CELSR1: variants seen among roughly 807,000 people sequenced by gnomAD.
CELSR1 encodes the protein cadherin EGF LAG seven-pass G-type receptor 1.
A neutral mutation model predicts 249.1 loss-of-function variants in CELSR1; 110 were observed. That is an observed-to-expected ratio of 0.44 (90% CI 0.38 to 0.52). The LOEUF is 0.52. Ranked by LOEUF, CELSR1 falls within the 20% of genes least tolerant of loss-of-function variation. The pLI, the probability that CELSR1 is intolerant of heterozygous loss-of-function variation, is 0.00. For missense variants in CELSR1, 4,109 were observed against 4,296.4 expected, an observed-to-expected ratio of 0.96 and a Z score of 1.22; for synonymous variants, 2,113 against 1,900.0, an observed-to-expected ratio of 1.11 and a Z score of -2.92.
chr22:46,444,926 C>T (rs1482144841), intron 2 of CELSR1, among the ~76,000 whole-genome samples: 1 of 152,210 alleles, frequency 6.6e-6, no homozygotes, highest in Non-Finnish European at 1.5e-5. Context: ...AGACACCAGG[C>T]CGGGAGCGGT....
chr22:46,392,714 G>T (rs1417479792), intron 14 of CELSR1, among the ~76,000 whole-genome samples: 2 of 151,960 alleles, frequency 1.3e-5, no homozygotes, highest in African/African-American at 4.8e-5. Context: ...GCATCAGCAC[G>T]CTCAGCTAAT....
In CELSR1 at chr22:46,454,965, T is replaced by C. The variant is rs2079930114; in HGVS notation, c.4183+8742A>G. 6.6e-6 allele frequency among the ~76,000 whole-genome samples: 1 copy of C among 152,212 alleles called. No homozygotes were observed. The highest frequency in any genetic ancestry group is 1.5e-5 in the Non-Finnish European group (1 of 68,040). ...TAGAGGTAATCGACTTAGGATGAGA[T>C]CATTAGGGTGGGTCCTAATCCAGTG... On this transcript the variant is annotated intron_variant, in intron 2 of 34. Transcript: ENST00000674500. This position sits in a 1 kb window ranked among gnomAD's most constrained non-coding sequence, Gnocchi z 5.1.
chr22:46,498,867 T>C, intron 1 of CELSR1, among the ~76,000 whole-genome samples: 1 of 151,408 alleles, frequency 6.6e-6, no homozygotes, highest in Admixed American at 6.6e-5. Context: ...TGATGGGAAA[T>C]AAGCCTATAA....
At chr22:46,502,234 GC>G (rs1195295159) in intron 1 of CELSR1, among the ~76,000 whole-genome samples, 1 of 145,822 alleles carries the variant, frequency 6.9e-6, no homozygotes, top group Admixed American at 7.1e-5. Flanking sequence ...CTGCACTCCA[GC>G]CTGGGTGACA....
Position 46,436,086 on chromosome 22 carries a change from G to A in CELSR1, c.4522+88C>T, listed in dbSNP as rs985999957. ...TGAGGGATGAAAGGGTAAGCAGCTT[G>A]GAGGCGCTGCACAGGGCGAGGGTCG... On this transcript the variant is annotated intron_variant, in intron 4 of 34. Transcript: ENST00000674500. This position sits in a 1 kb window ranked among gnomAD's most constrained non-coding sequence, Gnocchi z 5.9. 8.4e-6 allele frequency: 8 copies of A among 949,002 alleles called. No homozygotes were observed. In the African/African-American group the frequency reaches 1.3e-4, roughly 15 times the overall value. 58.8% of individuals were successfully genotyped at this position (949,002 alleles called of 1,614,324 possible). A position where few individuals can be genotyped will look rare whatever the true frequency, so the allele number is the denominator to read the frequency against.
At chr22:46,503,014 A>G (rs2080481526) in intron 1 of CELSR1, among the ~76,000 whole-genome samples, 1 of 152,134 alleles carries the variant, frequency 6.6e-6, no homozygotes, top group African/African-American at 2.4e-5. Flanking sequence ...TGCCCACTCC[A>G]TGGGCAACTC....
rs964325673 is a variant in CELSR1, at chr22:46,454,973, G to T, written c.4183+8734C>A. 2.0e-5 allele frequency among the ~76,000 whole-genome samples: 3 copies of T among 152,206 alleles called. No individual in the cohort carries two copies. Among genetic ancestry groups the T allele is most frequent in the African/African-American group, 7.2e-5 (3 of 41,448 alleles). Reference sequence around the variant, plus strand: ...ATCGACTTAGGATGAGATCATTAGGGTGGGTCCTAATCCAGTGACCGGTGT... The same window carrying T: ...ATCGACTTAGGATGAGATCATTAGGTTGGGTCCTAATCCAGTGACCGGTGT... On this transcript the variant is annotated intron_variant, in intron 2 of 34. Transcript: ENST00000674500. This position sits in a 1 kb window ranked among gnomAD's most constrained non-coding sequence, Gnocchi z 5.1.
rs866404765 is a variant in CELSR1, at chr22:46,491,640, T to C, written c.3545-27295A>G. The stretch of plus-strand genomic sequence containing the variant: ...ATAGTCTCTATTCTCTCTCTCTCTT[T>C]TTTTTTTTTTTTTAGACAGGGTGTT... On this transcript the variant is annotated intron_variant, in intron 1 of 34. Coordinates refer to ENST00000674500, the MANE Select transcript of CELSR1 (RefSeq NM_001378328.1). Among the ~76,000 whole-genome samples the C allele has an allele frequency of 3.6e-3, 539 of 148,778 alleles. 5 individuals carry two copies. The highest frequency in any genetic ancestry group is 0.013 in the African/African-American group (517 of 40,438).
At position 46,398,054 on chromosome 22, in the gene CELSR1, G is replaced by T. The variant is rs2079170162; in HGVS notation, c.5527-206C>A. Among the ~76,000 whole-genome samples the T allele has an allele frequency of 1.3e-5, 2 of 152,164 alleles. No individual in the cohort carries two copies. The highest frequency in any genetic ancestry group is 4.8e-5 in the African/African-American group (2 of 41,442). On this transcript the variant is annotated intron_variant, in intron 11 of 34. Coordinates refer to ENST00000674500, the MANE Select transcript of CELSR1 (RefSeq NM_001378328.1). The surrounding 1 kb of genome is among the most constrained non-coding windows in gnomAD (Gnocchi z 7.2). ...GGAGGGCTGGGTGAGGAGCTCAGAG[G>T]GCACGCCAGCCTGAGCTCCTGGGGT...
rs548392494 is a variant in CELSR1, at chr22:46,471,038, T to C, written c.3545-6693A>G. On this transcript the variant is annotated intron_variant, in intron 1 of 34. Transcript: ENST00000674500. The surrounding 1 kb of genome is among the most constrained non-coding windows in gnomAD (Gnocchi z 4.9). ...TACTTGGGAGACTGAGGCAGGAGAATCGCTTGAACCTGGGAGTCGGAGGTT... is the reference window on the plus strand; with the variant it reads ...TACTTGGGAGACTGAGGCAGGAGAACCGCTTGAACCTGGGAGTCGGAGGTT... Among the ~76,000 whole-genome samples, 2 of 152,028 alleles carry C rather than the reference T, an allele frequency of 1.3e-5. No individual in the cohort carries two copies. The highest frequency in any genetic ancestry group is 2.1e-4 in the South Asian group (1 of 4,802).
At position 46,390,343 on chromosome 22, in the gene CELSR1, C is replaced by T. The variant is rs376775191; in HGVS notation, c.6345+49G>A. On this transcript the variant is annotated intron_variant, in intron 17 of 34. Transcript: ENST00000674500. This position sits in a 1 kb window ranked among gnomAD's most constrained non-coding sequence, Gnocchi z 6.3. ...CCACACAAACTCTCTCACGCATACA[C>T]GAACACACACGTGCCCCTGCTGAAC... 28 of 1,451,174 alleles carry T rather than the reference C, an allele frequency of 1.9e-5. No individual in the cohort carries two copies. Among genetic ancestry groups the T allele is most frequent in the South Asian group, 9.7e-5 (8 of 82,714 alleles). The allele number at this position is 1,451,174 out of a possible 1,614,324, so 89.9% of individuals were successfully genotyped here. A position where few individuals can be genotyped will look rare whatever the true frequency, so the allele number is the denominator to read the frequency against.
rs1167768688 is a variant in CELSR1 at position 46,390,193 on chromosome 22, G to T, written c.6345+199C>A. ...CTGGGGGAGAGAAGTCCACGTGGGG[G>T]TGCCTGGCTCAGGTGCCAACACCCC... On this transcript the variant is annotated intron_variant, in intron 17 of 34. Transcript: ENST00000674500. The surrounding 1 kb of genome is among the most constrained non-coding windows in gnomAD (Gnocchi z 6.3). Among the ~76,000 whole-genome samples, 1 of 152,200 alleles carries T rather than the reference G, an allele frequency of 6.6e-6. No homozygotes were observed. The highest frequency in any genetic ancestry group is 1.9e-4 in the East Asian group (1 of 5,202).
rs143055982 is a variant in CELSR1, at chr22:46,455,854, G to A, written c.4183+7853C>T. 9.9e-4 allele frequency among the ~76,000 whole-genome samples: 151 copies of A among 152,264 alleles called. 2 individuals carry two copies. The East Asian group carries it at 0.018, about 18-fold the overall frequency. On this transcript the variant is annotated intron_variant, in intron 2 of 34. Transcript: ENST00000674500. Reference sequence around the variant, plus strand: ...ACATTGACCCACACCCTGATCCCCCGGCAAGATTTTTATAGAAAACAGTTA... The same window carrying A: ...ACATTGACCCACACCCTGATCCCCCAGCAAGATTTTTATAGAAAACAGTTA...
rs2079823516 is a variant in CELSR1 at position 46,446,582 on chromosome 22, G to A, written c.4184-7171C>T. On this transcript the variant is annotated intron_variant, in intron 2 of 34. Transcript: ENST00000674500. This position sits in a 1 kb window ranked among gnomAD's most constrained non-coding sequence, Gnocchi z 5.5. ...CTGGTGTGTGCAGGGCATATGCTGA[G>A]CACCTGGCAGGGAGGGTCGCAGGGG... is the stretch of plus-strand genomic sequence containing the variant. Among the ~76,000 whole-genome samples, 1 of 152,074 alleles carries A rather than the reference G, an allele frequency of 6.6e-6. No individual in the cohort carries two copies. Among genetic ancestry groups the A allele is most frequent in the Admixed American group, 6.6e-5 (1 of 15,266 alleles).
chr22:46,391,884 TC>T lies in CELSR1; in HGVS notation c.5965-69del. 1.3e-6 allele frequency: 2 copies of T among 1,511,156 alleles called. No individual in the cohort carries two copies. The highest frequency in any genetic ancestry group is 4.8e-5 in the Admixed American group (2 of 41,844). 93.6% of individuals were successfully genotyped at this position (1,511,156 alleles called of 1,614,324 possible). A position where few individuals can be genotyped will look rare whatever the true frequency, so the allele number is the denominator to read the frequency against. On this transcript the variant is annotated intron_variant, in intron 14 of 34. Transcript: ENST00000674500. The surrounding 1 kb of genome is among the most constrained non-coding windows in gnomAD (Gnocchi z 4.3). The stretch of plus-strand genomic sequence containing the variant: ...GAGAGGCCCTACCTTGCAGCGTGTT[TC>T]CCGAGCGACGTCCAGACTCCCACCC...
At position 46,464,332 on chromosome 22, in the gene CELSR1, G is replaced by A. The variant is rs770443152; in HGVS notation, c.3558C>T (p.Ser1186=). 46 of 1,609,546 alleles carry A rather than the reference G, an allele frequency of 2.9e-5. No homozygotes were observed. Among genetic ancestry groups the A allele is most frequent in the African/African-American group, 2.3e-4 (17 of 74,852 alleles). Residue 1186 remains serine (S), a synonymous_variant, in exon 2 of 35, where the codon AGC becomes AGT. Transcript: ENST00000674500. The surrounding 1 kb of genome is among the most constrained non-coding windows in gnomAD (Gnocchi z 8.5). ...MEVSVSDGIH[S]VTAFCTLRVT... is the part of the protein sequence containing the mutation. Reference sequence around the variant, plus strand: ...CACGCAGGGTGCAGAAGGCCGTGACGCTGTGGATGCCATCTGCAGACACAA... The same window carrying A: ...CACGCAGGGTGCAGAAGGCCGTGACACTGTGGATGCCATCTGCAGACACAA...
At position 46,436,232 on chromosome 22, in the gene CELSR1, C is replaced by G; in HGVS notation, c.4464G>C (p.Lys1488Asn). The change falls in exon 4 of 35, where the codon AAG (lysine) becomes AAC (asparagine). Residue 1488 changes from lysine (K) to asparagine (N), a missense_variant. This residue lies in a region of CELSR1 where 453 missense variants were observed against 492.0 expected (regional missense o/e 0.92). Transcript: ENST00000674500. This position sits in a 1 kb window ranked among gnomAD's most constrained non-coding sequence, Gnocchi z 5.9. Reference protein sequence around the residue: ...LLLYNGRFNEKHDFIALEIVD... With the variant: ...LLLYNGRFNENHDFIALEIVD... ...CGATCTCCAGGGCGATGAAGTCGTG[C>G]TTCTCATTGAAGCGGCCGTTGTAGA... 1 of 1,614,162 alleles carries G rather than the reference C, an allele frequency of 6.2e-7. No individual in the cohort carries two copies.
Position 46,535,991 on chromosome 22 carries a change from C to G in CELSR1, c.1180G>C (p.Gly394Arg), listed in dbSNP as rs534966908. Reference protein sequence around the residue: ...INANLRYRVLGGAWDVFQLNE... With the variant: ...INANLRYRVLRGAWDVFQLNE... ...AGCTGGAAGACGTCCCACGCGCCCC[C>G]CAACACGCGGTAACGCAAGTTGGCG... The change falls in exon 1 of 35, where the codon GGG becomes CGG. Residue 394 changes from glycine (G) to arginine (R), a missense_variant. Gly to Arg is a moderately radical substitution (Grantham distance 125, BLOSUM62 -2). Around this residue, in one of 7 missense-constraint regions of CELSR1, gnomAD observed 673 missense variants for 636.8 expected, o/e 1.06. Coordinates refer to ENST00000674500, the MANE Select transcript of CELSR1 (RefSeq NM_001378328.1). The G allele has an allele frequency of 9.9e-6, 16 of 1,610,848 alleles. No individual in the cohort carries two copies. Among genetic ancestry groups the G allele is most frequent in the Middle Eastern group, 3.3e-4 (2 of 6,062 alleles).
chr22:46,450,479 T>C (rs1432493085), intron 2 of CELSR1, among the ~76,000 whole-genome samples: 1 of 152,232 alleles, frequency 6.6e-6, no homozygotes, highest in African/African-American at 2.4e-5. Context: ...AGTCCACACA[T>C]GACCTTCCCT....
Sources: gnomAD v4.1 joint callset for allele counts (sites outside exome capture counted in the v4.1 genomes callset) on GRCh38, gnomAD v4.1.1 for gene constraint, gnomAD v4.1.1 regional missense constraint, Gnocchi (gnomAD v3.1) non-coding constraint, MANE v1.5 for transcripts, NCBI Gene and HGNC (gene_info 2026-07-23, HGNC 2026-07-21) for gene names.